The following MAN2A1 variants were observed in gnomAD, a reference collection of about 807,000 sequenced individuals.
MAN2A1 encodes the protein mannosidase alpha class 2A member 1, also known as alpha-mannosidase 2.
MAN2A1 carries 76 observed loss-of-function variants against 142.6 expected under a neutral mutation model. The observed-to-expected ratio is 0.53, with a 90% CI of 0.44 to 0.65. The LOEUF is 0.65. MAN2A1 is among the 30% of genes least tolerant of loss of function. The pLI, the probability that MAN2A1 is intolerant of heterozygous loss-of-function variation, is 0.00. For missense variants in MAN2A1, 1,311 were observed against 1,365.1 expected, an observed-to-expected ratio of 0.96 and a Z score of 0.62; for synonymous variants, 559 against 473.2, an observed-to-expected ratio of 1.18 and a Z score of -2.35.
At chr5:109,764,032 C>G (rs974825531) in intron 5 of MAN2A1, among the ~76,000 whole-genome samples, 2 of 151,980 alleles carry the variant, frequency 1.3e-5, no homozygotes, top group Non-Finnish European at 2.9e-5. Flanking sequence ...AACTCCTGAC[C>G]TCAGGTGATC....
chr5:109,805,126 CAG>C (rs1431134921), intron 12 of MAN2A1, among the ~76,000 whole-genome samples: 1 of 152,072 alleles, frequency 6.6e-6, no homozygotes, highest in Non-Finnish European at 1.5e-5. Context: ...TTAGGTAAAA[CAG>C]ATGGTATTTT....
At chr5:109,770,010 A>G (rs952232058) in intron 6 of MAN2A1, among the ~76,000 whole-genome samples, 1 of 152,194 alleles carries the variant, frequency 6.6e-6, no homozygotes, top group Admixed American at 6.5e-5. Flanking sequence ...TACGGCAGGA[A>G]CTGGCAGCCA....
intron 1 of MAN2A1, among the ~76,000 whole-genome samples, chr5:109,706,061 T>G (rs891232286): frequency 2.6e-5 from 4 of 152,232 alleles, no homozygotes; most frequent in African/African-American, 9.6e-5. Flanking sequence ...CAGGGATATC[T>G]TTGACTAAAC....
At chr5:109,821,292 T>A (rs934761271) in intron 15 of MAN2A1, among the ~76,000 whole-genome samples, 1 of 152,242 alleles carries the variant, frequency 6.6e-6, no homozygotes, top group Non-Finnish European at 1.5e-5. Context: ...AAAAATCCAA[T>A]TTTAATATAT....
At chr5:109,824,355 T>C (rs551227988) in intron 16 of MAN2A1, among the ~76,000 whole-genome samples, 2 of 152,200 alleles carry the variant, frequency 1.3e-5, no homozygotes, top group Non-Finnish European at 2.9e-5. Context: ...AGCATCTTTA[T>C]GAACCCAAGT....
At chr5:109,861,282 A>T (rs1755748430) in intron 20 of MAN2A1, among the ~76,000 whole-genome samples, 2 of 152,216 alleles carry the variant, frequency 1.3e-5, no homozygotes, top group African/African-American at 2.4e-5. Context: ...GTGCTTGACA[A>T]GTAAAGGTTC....
intron 5 of MAN2A1, among the ~76,000 whole-genome samples, chr5:109,764,343 C>T (rs1033394255): frequency 6.6e-6 from 1 of 152,026 alleles, no homozygotes; most frequent in African/African-American, 2.4e-5. Context: ...ACAGTTTTTA[C>T]TTTTATACTT....
intron 4 of MAN2A1, among the ~76,000 whole-genome samples, chr5:109,747,017 G>T (rs1330607877): frequency 1.3e-5 from 2 of 152,056 alleles, no homozygotes; most frequent in Admixed American, 6.6e-5. Context: ...AATTACTTTT[G>T]CACCAACCTA....
chr5:109,747,086 C>T (rs1054461685), intron 4 of MAN2A1, among the ~76,000 whole-genome samples: 3 of 152,116 alleles, frequency 2.0e-5, no homozygotes, highest in Non-Finnish European at 2.9e-5. Context: ...GTGGTTTCTA[C>T]GTTTTGGCCA....
At chr5:109,775,495 T>C (rs190026769) in intron 8 of MAN2A1, among the ~76,000 whole-genome samples, 47 of 151,756 alleles carry the variant, frequency 3.1e-4, no homozygotes, top group African/African-American at 1.0e-3. Context: ...TTTTTTCTTA[T>C]GGAAAATTTA....
At chr5:109,719,443 T>G (rs1751543132) in intron 3 of MAN2A1, among the ~76,000 whole-genome samples, 1 of 152,218 alleles carries the variant, frequency 6.6e-6, no homozygotes, top group Admixed American at 6.5e-5. Flanking sequence ...GAAAAGCCAT[T>G]CTTTTTTAAT....
At chr5:109,762,890 G>A (rs919716511) in intron 5 of MAN2A1, among the ~76,000 whole-genome samples, 2 of 152,058 alleles carry the variant, frequency 1.3e-5, no homozygotes, top group African/African-American at 4.8e-5. Flanking sequence ...TCATGAACAG[G>A]GCAACATCCC....
intron 3 of MAN2A1, among the ~76,000 whole-genome samples, chr5:109,721,697 GT>G (rs1561478082): frequency 6.6e-6 from 1 of 152,154 alleles, no homozygotes; most frequent in East Asian, 1.9e-4. Flanking sequence ...AGAATAGATG[GT>G]TTGGTCTCTC....
intron 21 of MAN2A1, chr5:109,865,370 T>G: frequency 3.9e-6 from 2 of 515,152 alleles, no homozygotes; most frequent in Non-Finnish European, 7.0e-6. Flanking sequence ...TATGCACATT[T>G]GAAGGCAATG....
intron 12 of MAN2A1, among the ~76,000 whole-genome samples, chr5:109,809,753 C>T (rs975247835): frequency 2.4e-4 from 36 of 152,074 alleles, no homozygotes; most frequent in African/African-American, 8.2e-4. Flanking sequence ...TTTTTTGTAT[C>T]TGTGGGTTAG....
intron 16 of MAN2A1, among the ~76,000 whole-genome samples, chr5:109,838,708 C>G (rs1313506168): frequency 6.6e-6 from 1 of 152,156 alleles, no homozygotes; most frequent in African/African-American, 2.4e-5. Context: ...TTGGCTTGTT[C>G]ATAATAAGCA....
chr5:109,768,227 C>G (rs905367126), intron 6 of MAN2A1, among the ~76,000 whole-genome samples: 2 of 132,738 alleles, frequency 1.5e-5, no homozygotes, highest in Non-Finnish European at 3.2e-5. Flanking sequence ...TTGTGCAGCT[C>G]TTTATTAGGA....
chr5:109,719,263 A>G (rs1751538310), intron 3 of MAN2A1, among the ~76,000 whole-genome samples: 1 of 152,216 alleles, frequency 6.6e-6, no homozygotes, highest in South Asian at 2.1e-4. Flanking sequence ...CCACTTGGAA[A>G]AAATAATTGT....
intron 11 of MAN2A1, 140 bp from the exon 12 acceptor site, chr5:109,789,320 A>G (rs1753679982): frequency 5.4e-6 from 3 of 560,654 alleles, no homozygotes. Flanking sequence ...GCTTGGCTTT[A>G]ATTAGAAACC....
Sources: allele counts gnomAD v4.1 joint callset (sites outside exome capture counted in the v4.1 genomes callset), GRCh38; gene constraint gnomAD v4.1.1; transcripts MANE v1.5; gene names NCBI Gene and HGNC (gene_info 2026-07-23, HGNC 2026-07-21).